Variants in MYRFL observed in about 807,000 individuals in gnomAD.
MYRFL encodes myelin regulatory factor like.
Under a neutral mutation model 109.4 loss-of-function variants are expected in MYRFL, and 88 were observed. That is an observed-to-expected ratio of 0.80 (90% CI 0.68 to 0.96). The LOEUF is 0.96. Ranked by LOEUF, MYRFL falls within the 40% of genes least tolerant of loss-of-function variation. The pLI is 0.00. For synonymous variants in MYRFL, 324 were observed against 320.9 expected, an observed-to-expected ratio of 1.01 and a Z score of -0.10; for missense variants, 957 against 954.9, an observed-to-expected ratio of 1.00 and a Z score of -0.03.
intron 1 of MYRFL, among the ~76,000 whole-genome samples, chr12:69,854,343 G>A (rs557612529): frequency 1.4e-5 from 2 of 144,526 alleles, no homozygotes; most frequent in East Asian, 4.0e-4. Context: ...TGGAGGGGGA[G>A]GGGGAGGGAG....
intron 11 of MYRFL, among the ~76,000 whole-genome samples, chr12:69,908,820 C>A (rs982901036): frequency 6.6e-6 from 1 of 152,118 alleles, no homozygotes; most frequent in African/African-American, 2.4e-5. Context: ...AAACTTGTGT[C>A]ATGGGGGTCT....
At chr12:69,908,942 G>A (rs1373642832) in intron 11 of MYRFL, among the ~76,000 whole-genome samples, 1 of 151,906 alleles carries the variant, frequency 6.6e-6, no homozygotes, top group African/African-American at 2.4e-5. Flanking sequence ...AGGCCCCAGT[G>A]TATGTTGCTC....
intron 5 of MYRFL, among the ~76,000 whole-genome samples, chr12:69,881,203 C>T (rs141654015): frequency 1.6e-3 from 250 of 152,192 alleles, no homozygotes; most frequent in African/African-American, 5.5e-3. Context: ...TTCCTGGCTT[C>T]GAGTGATTCT....
rs1336649371 is a variant in MYRFL at position 69,955,399 on chromosome 12, A to G, written c.2412A>G (p.Lys804=). 1.5e-6 allele frequency: 1 copy of G among 661,316 alleles called. No individual in the cohort carries two copies. The highest frequency in any genetic ancestry group is 2.7e-6 in the Non-Finnish European group (1 of 370,324). The allele number at this position is 661,316 out of a possible 1,614,324, so 41.0% of individuals were successfully genotyped here. ...GNYNYNIPVN[K]HTPTNVKFSL... is the part of the protein sequence containing the mutation. Reference sequence around the variant, plus strand: ...ATAATTACAATATTCCTGTTAATAAACACACACCCACCAATGTCAAGTTCT... The same window carrying G: ...ATAATTACAATATTCCTGTTAATAAGCACACACCCACCAATGTCAAGTTCT... The change falls in exon 22 of 25, where the codon AAA becomes AAG. Residue 804 remains lysine (K), a synonymous_variant. Coordinates refer to ENST00000552032, the MANE Select transcript of MYRFL (RefSeq NM_182530.3).
Position 69,926,927 on chromosome 12 carries a change from T to C in MYRFL, c.1766+193T>C, listed in dbSNP as rs1955104243. ...TGATAACTTTCTTAGTTTTTTTCTG[T>C]TGCTGGTTTTTTTTTTTTTTTTTTT... On this transcript the variant is annotated intron_variant, in intron 14 of 24. Transcript: ENST00000552032. Among the ~76,000 whole-genome samples the C allele has an allele frequency of 1.4e-5, 2 of 138,488 alleles. 1 individual carries two copies. The highest frequency in any genetic ancestry group is 5.3e-5 in the African/African-American group (2 of 37,872). 90.9% of individuals were successfully genotyped at this position (138,488 alleles called of 152,430 possible). A position where few individuals can be genotyped will look rare whatever the true frequency, so the allele number is the denominator to read the frequency against.
chr12:69,885,137 C>T (rs532235845), intron 5 of MYRFL, among the ~76,000 whole-genome samples: 93 of 152,216 alleles, frequency 6.1e-4, no homozygotes, highest in African/African-American at 2.2e-3. Flanking sequence ...TTTTAGACCA[C>T]TTAGCTTTTG....
At chr12:69,863,062 G>A (rs1322369263) in intron 2 of MYRFL, among the ~76,000 whole-genome samples, 1 of 151,678 alleles carries the variant, frequency 6.6e-6, no homozygotes, top group Non-Finnish European at 1.5e-5. Context: ...TTATTGATTT[G>A]CATATATTGA....
intron 13 of MYRFL, among the ~76,000 whole-genome samples, chr12:69,924,183 C>T (rs190326264): frequency 1.9e-4 from 24 of 125,142 alleles, no homozygotes; most frequent in Non-Finnish European, 3.7e-4. Context: ...AGCAGGACTC[C>T]GTCTCAGAAA....
Position 69,854,429 on chromosome 12 carries a change from G to A in MYRFL, c.47-851G>A, listed in dbSNP as rs149856425. ...GATGGAGACTCACTCTGTCACCCTG[G>A]CTGGAGTGCAGTGGTGTGATCTCGG... On this transcript the variant is annotated intron_variant, in intron 1 of 24. Transcript: ENST00000552032. Among the ~76,000 whole-genome samples the A allele has an allele frequency of 2.6e-3, 390 of 152,186 alleles. 5 individuals carry two copies. The highest frequency in any genetic ancestry group is 8.6e-3 in the African/African-American group (359 of 41,524).
intron 2 of MYRFL, among the ~76,000 whole-genome samples, chr12:69,872,590 T>C (rs925177263): frequency 6.6e-6 from 1 of 152,144 alleles, no homozygotes; most frequent in African/African-American, 2.4e-5. Context: ...AACCTTTGCC[T>C]CCTGAGGTCA....
intron 19 of MYRFL, among the ~76,000 whole-genome samples, chr12:69,944,604 C>T (rs567140757): frequency 6.6e-6 from 1 of 150,952 alleles, no homozygotes; most frequent in Non-Finnish European, 1.5e-5. Context: ...TTAGTGGGTG[C>T]AGCACACCAG....
At position 69,936,574 on chromosome 12, in the gene MYRFL, T is replaced by TTCAAG; in HGVS notation, c.2169_2173dup (p.Pro725GlnfsTer57). ...CCATCCGGGGAATGAAAGAAGTCTC[T>TTCAAG]TCAAGTCCTGTGCAAAGACAATCTG... On this transcript the variant is annotated frameshift_variant, in exon 19 of 25. Coordinates refer to ENST00000552032, the MANE Select transcript of MYRFL (RefSeq NM_182530.3). LOFTEE classifies it high-confidence loss of function. The TTCAAG allele has an allele frequency of 6.5e-7, 1 of 1,536,190 alleles. No homozygotes were observed. The highest frequency in any genetic ancestry group is 8.7e-7 in the Non-Finnish European group (1 of 1,146,910).
At chr12:69,958,424 T>G in intron 24 of MYRFL, 21 bp from the exon 25 acceptor site, 3 of 1,516,794 alleles carry the variant, frequency 2.0e-6, no homozygotes, top group Non-Finnish European at 2.6e-6. Flanking sequence ...CTTCCTTTTT[T>G]TTTTTCTCCT....
chr12:69,901,864 A>C (rs1954197142), intron 10 of MYRFL, among the ~76,000 whole-genome samples: 1 of 145,746 alleles, frequency 6.9e-6, no homozygotes. Flanking sequence ...CTCCCACCCC[A>C]TTACATTCTT....
In MYRFL at chr12:69,952,878, C is replaced by G. The variant is rs1956014430; in HGVS notation, c.2367C>G (p.Leu789=). ...IIDHQYCIQS[L]QCGSGNYNYN... ...ATCATCAGTATTGCATTCAAAGCCTCCAGTGCGGGTAGGTAAGCCTCCCCA... is the reference window on the plus strand; with the variant it reads ...ATCATCAGTATTGCATTCAAAGCCTGCAGTGCGGGTAGGTAAGCCTCCCCA... Residue 789 remains leucine, a synonymous_variant, in exon 21 of 25, where the codon CTC becomes CTG. Coordinates refer to ENST00000552032, the MANE Select transcript of MYRFL (RefSeq NM_182530.3). The G allele has an allele frequency of 2.6e-6, 4 of 1,534,446 alleles. No individual in the cohort carries two copies. The African/African-American group carries it at 4.1e-5, about 16-fold the overall frequency.
intron 16 of MYRFL, among the ~76,000 whole-genome samples, chr12:69,933,163 G>C (rs887651210): frequency 6.6e-6 from 1 of 152,152 alleles, no homozygotes; most frequent in African/African-American, 2.4e-5. Flanking sequence ...AGCAGTATTT[G>C]CTATGCAAAT....
intron 16 of MYRFL, among the ~76,000 whole-genome samples, chr12:69,934,734 T>G (rs1320325471): frequency 1.3e-5 from 2 of 152,182 alleles, no homozygotes; most frequent in East Asian, 3.9e-4. Flanking sequence ...TGAAGTCAGG[T>G]CATCTCTTCC....
intron 10 of MYRFL, among the ~76,000 whole-genome samples, chr12:69,897,801 C>T (rs1954046648): frequency 6.6e-6 from 1 of 152,162 alleles, no homozygotes; most frequent in South Asian, 2.1e-4. Context: ...GGAAAGCATT[C>T]CAGGCCAAAT....
chr12:69,936,443 TG>T lies in MYRFL; in HGVS notation c.2045-9del, dbSNP rs1469010508. On this transcript the variant is annotated splice_polypyrimidine_tract_variant and intron_variant, in intron 18 of 24. Transcript: ENST00000552032. ...CTTGCTTCCCCTCCCCCCTGCCCAA[TG>T]CCTTGCAGCACCTAATACATCCCTG... is the stretch of plus-strand genomic sequence containing the variant. The T allele has an allele frequency of 2.6e-6, 4 of 1,532,968 alleles. No individual in the cohort carries two copies. The Admixed American group carries it at 7.9e-5, about 30-fold the overall frequency. The allele number at this position is 1,532,968 out of a possible 1,614,324, so 95.0% of individuals were successfully genotyped here.
Sources: allele counts gnomAD v4.1 joint callset (sites outside exome capture counted in the v4.1 genomes callset), GRCh38; gene constraint gnomAD v4.1.1; transcripts MANE v1.5; gene names NCBI Gene and HGNC (gene_info 2026-07-23, HGNC 2026-07-21).